Variants in DPYD observed in about 807,000 individuals in gnomAD.
DPYD encodes the protein dihydropyrimidine dehydrogenase [NADP(+)].
DPYD carries 109 observed loss-of-function variants against 116.2 expected under a neutral mutation model. That is an observed-to-expected ratio of 0.94 (90% CI 0.80 to 1.10). DPYD has a LOEUF of 1.10. Ranked by LOEUF, DPYD falls within the 50% of genes least tolerant of loss-of-function variation. The pLI is 0.00. For missense variants in DPYD, 1,302 were observed against 1,254.5 expected (o/e 1.04, Z -0.57); for synonymous variants, 440 against 432.0 (o/e 1.02, Z -0.23).
chr1:97,554,094 T>C (rs541871858), intron 11 of DPYD, among the ~76,000 whole-genome samples: 1 of 152,124 alleles, frequency 6.6e-6, no homozygotes, highest in African/African-American at 2.4e-5. Context: ...TGATTTTTTA[T>C]ACAGACTTAA....
chr1:97,722,759 A>G (rs545010019), intron 4 of DPYD, among the ~76,000 whole-genome samples: 2 of 151,596 alleles, frequency 1.3e-5, no homozygotes, highest in African/African-American at 4.8e-5. Context: ...TTTACTATTT[A>G]TTGACTCTTT....
chr1:97,917,023 G>GC (rs1205541811), intron 1 of DPYD, among the ~76,000 whole-genome samples: 2 of 151,988 alleles, frequency 1.3e-5, no homozygotes, highest in Non-Finnish European at 2.9e-5. Flanking sequence ...TAAAACTATG[G>GC]CCCACAAAAC....
At chr1:97,080,695 T>C (rs1649092625) in intron 22 of DPYD, among the ~76,000 whole-genome samples, 1 of 152,150 alleles carries the variant, frequency 6.6e-6, no homozygotes, top group African/African-American at 2.4e-5. Context: ...ATGAAGTAAC[T>C]GATAAAAATT....
intron 16 of DPYD, among the ~76,000 whole-genome samples, chr1:97,331,637 A>G (rs181513786): frequency 1.6e-4 from 25 of 152,340 alleles, no homozygotes; most frequent in Admixed American, 1.6e-3. Flanking sequence ...GAAGGAGGAA[A>G]GAAAGACTAA....
At chr1:97,599,830 C>G (rs1329804666) in intron 8 of DPYD, among the ~76,000 whole-genome samples, 1 of 118,138 alleles carries the variant, frequency 8.5e-6, no homozygotes, top group Non-Finnish European at 1.6e-5. Flanking sequence ...TCGAGATCAG[C>G]CTGACCAACA....
rs187830682 is a variant in DPYD at position 97,161,144 on chromosome 1, G to T, written c.2622+31925C>A. Reference sequence around the variant, plus strand: ...TCAATTTAGAAACAACAGCAGATTAGCGATTAAATCGGCCAAACAACTTCT... The same window carrying T: ...TCAATTTAGAAACAACAGCAGATTATCGATTAAATCGGCCAAACAACTTCT... On this transcript the variant is annotated intron_variant, in intron 20 of 22. Transcript: ENST00000370192. 3.9e-3 allele frequency among the ~76,000 whole-genome samples: 597 copies of T among 152,224 alleles called. 4 individuals carry two copies. The highest frequency in any genetic ancestry group is 2.7e-3 in the Non-Finnish European group (182 of 68,014).
chr1:97,726,654 A>G (rs1346370547), intron 4 of DPYD, among the ~76,000 whole-genome samples: 1 of 151,512 alleles, frequency 6.6e-6, no homozygotes, highest in Non-Finnish European at 1.5e-5. Flanking sequence ...TAAAAACAGT[A>G]TCATGCAAAA....
chr1:97,806,463 C>A (rs977010561), intron 3 of DPYD, among the ~76,000 whole-genome samples: 1 of 151,806 alleles, frequency 6.6e-6, no homozygotes, highest in African/African-American at 2.4e-5. Context: ...TCTTTTGGGA[C>A]ATTTTTTACT....
chr1:97,319,449 A>G (rs1195310049), intron 16 of DPYD, among the ~76,000 whole-genome samples: 1 of 125,418 alleles, frequency 8.0e-6, no homozygotes, highest in Non-Finnish European at 1.6e-5. Context: ...GAATACTACA[A>G]ACACCTCTAC....
intron 20 of DPYD, among the ~76,000 whole-genome samples, chr1:97,130,823 T>G (rs1239258159): frequency 5.6e-5 from 2 of 35,696 alleles, no homozygotes; most frequent in Non-Finnish European, 1.1e-4. Context: ...CTTTCTTCCT[T>G]TCTTTCTTCT....
intron 8 of DPYD, among the ~76,000 whole-genome samples, chr1:97,640,341 GTCTC>G (rs1657817645): frequency 6.6e-6 from 1 of 151,614 alleles, no homozygotes; most frequent in Non-Finnish European, 1.5e-5. Flanking sequence ...TTTTGACGGA[GTCTC>G]TCTCTCAGGC....
intron 16 of DPYD, among the ~76,000 whole-genome samples, chr1:97,342,304 C>T (rs1281832910): frequency 3.3e-5 from 5 of 151,978 alleles, no homozygotes; most frequent in African/African-American, 9.7e-5. Context: ...GTTTCTACTT[C>T]GAAGAACAAC....
Position 97,266,775 on chromosome 1 carries a change from G to C in DPYD, c.2300-31781C>G, listed in dbSNP as rs150312801. Among the ~76,000 whole-genome samples the C allele has an allele frequency of 7.1e-3, 1,087 of 152,094 alleles. 12 individuals are homozygous for C. Among genetic ancestry groups the C allele is most frequent in the African/African-American group, 0.025 (1,043 of 41,496 alleles). On this transcript the variant is annotated intron_variant, in intron 18 of 22. Transcript: ENST00000370192. The stretch of plus-strand genomic sequence containing the variant: ...ATTCCTACCTATGAGTGAGAACATG[G>C]GGTGTTTGGTTTTTTGGCCTTGTGA...
chr1:97,139,284 T>C (rs551374849), intron 20 of DPYD, among the ~76,000 whole-genome samples: 1 of 152,284 alleles, frequency 6.6e-6, no homozygotes, highest in East Asian at 1.9e-4. Flanking sequence ...TCTCTAATTA[T>C]AATTGGATCA....
chr1:97,798,911 A>G (rs1183736258), intron 3 of DPYD, among the ~76,000 whole-genome samples: 2 of 152,050 alleles, frequency 1.3e-5, no homozygotes, highest in African/African-American at 4.8e-5. Flanking sequence ...GCATTGTAAC[A>G]GGCAGACAGG....
chr1:97,820,779 C>A (rs1668883139), intron 3 of DPYD, among the ~76,000 whole-genome samples: 1 of 152,118 alleles, frequency 6.6e-6, no homozygotes, highest in South Asian at 2.1e-4. Flanking sequence ...CTTCGCTCTG[C>A]AAATAAAACA....
chr1:97,790,241 A>T (rs1430224971), intron 3 of DPYD, among the ~76,000 whole-genome samples: 1 of 152,180 alleles, frequency 6.6e-6, no homozygotes, highest in Non-Finnish European at 1.5e-5. Flanking sequence ...TTCAAAACGA[A>T]TACTCTTCAT....
chr1:97,437,870 G>T (rs780459035), intron 14 of DPYD, among the ~76,000 whole-genome samples: 22 of 151,816 alleles, frequency 1.4e-4, no homozygotes, highest in Non-Finnish European at 2.8e-4. Flanking sequence ...TTCTCATTTA[G>T]GTCTATGAGT....
At chr1:97,608,439 T>G (rs1446401434) in intron 8 of DPYD, among the ~76,000 whole-genome samples, 1 of 151,892 alleles carries the variant, frequency 6.6e-6, no homozygotes, top group African/African-American at 2.4e-5. Flanking sequence ...TGGTTCACCC[T>G]ACCACAGATT....
Sources: allele counts gnomAD v4.1 joint callset (sites outside exome capture counted in the v4.1 genomes callset), GRCh38; gene constraint gnomAD v4.1.1; transcripts MANE v1.5; gene names NCBI Gene and HGNC (gene_info 2026-07-23, HGNC 2026-07-21).